SLX4: variants seen among roughly 807,000 people sequenced by gnomAD.
SLX4 encodes the protein structure-specific endonuclease subunit SLX4.
A neutral mutation model predicts 146.2 loss-of-function variants in SLX4; 112 were observed. That is an observed-to-expected ratio of 0.77 (90% CI 0.66 to 0.90). The LOEUF (loss-of-function observed/expected upper bound fraction) is 0.90. Among genes scored for constraint, SLX4 ranks in the 40% least tolerant of loss-of-function variants. The pLI is 0.00. For missense variants in SLX4, 2,563 were observed against 2,392.7 expected (o/e 1.07, Z -1.49); for synonymous variants, 1,061 against 997.7 (o/e 1.06, Z -1.20).
Position 3,589,424 on chromosome 16 carries a change from GCCACCT to G in SLX4, c.4208_4213del (p.Glu1403_Val1404del). On this transcript the variant is annotated inframe_deletion, in exon 12 of 15. Coordinates refer to ENST00000294008, the MANE Select transcript of SLX4 (RefSeq NM_032444.4). The surrounding 1 kb of genome is among the most constrained non-coding windows in gnomAD (Gnocchi z 6.2). Reference sequence around the variant, plus strand: ...GGGGCTTCTGTTGGCCTGATGGGAGGCCACCTCCTGCTCATCGTCACTGTCTCCGAC... The same window carrying G: ...GGGGCTTCTGTTGGCCTGATGGGAGGCCTGCTCATCGTCACTGTCTCCGAC... The G allele has an allele frequency of 6.2e-7, 1 of 1,602,636 alleles. No homozygotes were observed. Among genetic ancestry groups the G allele is most frequent in the Non-Finnish European group, 8.5e-7 (1 of 1,171,468 alleles).
Position 3,602,324 on chromosome 16 carries a change from A to G in SLX4, c.761-17T>C. ...GCCCATACACTGTGGAGAAGCACCA[A>G]AGATCCGTGAGAATAAACTCCAAAG... On this transcript the variant is annotated splice_polypyrimidine_tract_variant and intron_variant, in intron 3 of 14. Transcript: ENST00000294008. The G allele has an allele frequency of 6.2e-7, 1 of 1,613,032 alleles. No individual in the cohort carries two copies.
chr16:3,592,739 G>A lies in SLX4; in HGVS notation c.2287C>T (p.Pro763Ser), dbSNP rs868167272. The A allele has an allele frequency of 1.2e-6, 2 of 1,613,464 alleles. No homozygotes were observed. The highest frequency in any genetic ancestry group is 1.7e-6 in the Non-Finnish European group (2 of 1,180,024). ...HYLYTADTGL[P>S]PGLSSELSSL... ...CTCAGCTCAGAGCTAAGGCCAGGAG[G>A]AAGGCCAGTGTCCGCAGTGTAGAGA... The change falls in exon 11 of 15, where the codon CCT becomes TCT. Residue 763 changes from proline (P) to serine (S), a missense_variant. Physicochemically the swap from Pro to Ser is moderately conservative, Grantham distance 74. Coordinates refer to ENST00000294008, the MANE Select transcript of SLX4 (RefSeq NM_032444.4).
chr16:3,598,385 C>G (rs568205788), intron 5 of SLX4, among the ~76,000 whole-genome samples: 1 of 152,194 alleles, frequency 6.6e-6, no homozygotes, highest in Non-Finnish European at 1.5e-5. Context: ...GCTCCTTACA[C>G]GGTCCTGGCC....
In SLX4 at chr16:3,592,702, T is replaced by G; in HGVS notation, c.2324A>C (p.His775Pro). The change falls in exon 11 of 15, where the codon CAC becomes CCC. Residue 775 changes from histidine (H) to proline (P), a missense_variant. Coordinates refer to ENST00000294008, the MANE Select transcript of SLX4 (RefSeq NM_032444.4). Reference protein sequence around the residue: ...GLSSELSSLAHRFGVSELVHL... With the variant: ...GLSSELSSLAPRFGVSELVHL... The stretch of plus-strand genomic sequence containing the variant: ...AAAGCTGGGGAGCAATCCAGACCTG[T>G]GGGCCAGGGAGCTCAGCTCAGAGCT... 6.2e-7 allele frequency: 1 copy of G among 1,612,978 alleles called. No homozygotes were observed. The highest frequency in any genetic ancestry group is 1.1e-5 in the South Asian group (1 of 90,906).
intron 8 of SLX4, among the ~76,000 whole-genome samples, 157 bp downstream of exon 8, chr16:3,595,996 T>C (rs1047896465): frequency 2.0e-5 from 3 of 152,134 alleles, no homozygotes; most frequent in Non-Finnish European, 4.4e-5. Flanking sequence ...ACATTGACCT[T>C]TGAGAAAAAA....
Position 3,597,984 on chromosome 16 carries a change from A to G in SLX4, c.1179T>C (p.Ser393=), listed in dbSNP as rs772030041. 15 of 1,613,918 alleles carry G rather than the reference A, an allele frequency of 9.3e-6. No homozygotes were observed. The highest frequency in any genetic ancestry group is 1.3e-5 in the Non-Finnish European group (15 of 1,180,010). The change falls in exon 6 of 15, where the codon AGT becomes AGC. Residue 393 remains serine, a synonymous_variant. Coordinates refer to ENST00000294008, the MANE Select transcript of SLX4 (RefSeq NM_032444.4). This position sits in a 1 kb window ranked among gnomAD's most constrained non-coding sequence, Gnocchi z 4.4. ...SPPMFSFSDH[S]RGLKRRGPTS... ...TGGGTCCTCTCCGTTTCAGACCTCT[A>G]CTGTGATCACTGAAGCTAGAAAACA...
At chr16:3,598,219 C>T (rs932851337) in intron 5 of SLX4, among the ~76,000 whole-genome samples, 16 of 152,216 alleles carry the variant, frequency 1.1e-4, no homozygotes, top group Non-Finnish European at 1.8e-4. Context: ...GGTTCCTTCA[C>T]GTGCTGCTGT....
intron 10 of SLX4, 140 bp downstream of exon 10, chr16:3,594,313 G>A (rs563902212): frequency 8.2e-7 from 1 of 1,219,608 alleles, no homozygotes; most frequent in Non-Finnish European, 1.2e-6. Flanking sequence ...GGGAGAAGGT[G>A]AGAACATGGT....
In SLX4 at chr16:3,608,512, A is replaced by G; in HGVS notation, c.453T>C (p.Pro151=). Residue 151 remains proline (P), a synonymous_variant, in exon 2 of 15, where the codon CCT becomes CCC. Coordinates refer to ENST00000294008, the MANE Select transcript of SLX4 (RefSeq NM_032444.4). ...TGTTTTGTGCTGTTTCCCGGAGCAC[A>G]GGTGGATCTGGAGCAGAGGCAAGCA... is the stretch of plus-strand genomic sequence containing the variant. ...GGVLASAPDP[P]VLRETAQNTQ... is the part of the protein sequence containing the mutation. 2 of 1,614,206 alleles carry G rather than the reference A, an allele frequency of 1.2e-6. No individual in the cohort carries two copies. The highest frequency in any genetic ancestry group is 1.7e-6 in the Non-Finnish European group (2 of 1,180,040).
chr16:3,589,894 G>T lies in SLX4; in HGVS notation c.3744C>A (p.Ala1248=). The T allele has an allele frequency of 1.2e-6, 2 of 1,613,792 alleles. No individual in the cohort carries two copies. Among genetic ancestry groups the T allele is most frequent in the Non-Finnish European group, 1.7e-6 (2 of 1,179,998 alleles). Residue 1248 remains alanine (A), a synonymous_variant, in exon 12 of 15, where the codon GCC becomes GCA. Coordinates refer to ENST00000294008, the MANE Select transcript of SLX4 (RefSeq NM_032444.4). This position sits in a 1 kb window ranked among gnomAD's most constrained non-coding sequence, Gnocchi z 6.2. The stretch of plus-strand genomic sequence containing the variant: ...CCAGCCACGAGGTGTCTGTGGTGCT[G>T]GCCTCGCTGGGGCTGCTCTCACGGT... ...FCDRESSPSE[A]STTDTSWLVP... is the part of the protein sequence containing the mutation.
rs958404823 is a variant in SLX4, at chr16:3,597,412, C to A, written c.1650G>T (p.Leu550=). ...WAMEDFYTAR[L]VPPLVPQRPA... is the part of the protein sequence containing the mutation. ...GCCGCTGGGGCACGAGAGGAGGGAC[C>A]AGCCTGGCCGTGTAGAAGTCCTCCA... The change falls in exon 7 of 15, where the codon CTG becomes CTT. Residue 550 remains leucine, a synonymous_variant. Transcript: ENST00000294008. This position sits in a 1 kb window ranked among gnomAD's most constrained non-coding sequence, Gnocchi z 4.4. The A allele has an allele frequency of 6.3e-7, 1 of 1,599,044 alleles. No homozygotes were observed. The highest frequency in any genetic ancestry group is 1.7e-5 in the Admixed American group (1 of 57,690).
At chr16:3,608,405 C>T (rs756714533) in intron 2 of SLX4, 25 bp downstream of exon 2, 11 of 1,613,992 alleles carry the variant, frequency 6.8e-6, no homozygotes, top group African/African-American at 1.3e-5. Flanking sequence ...TTTTCCAGCC[C>T]CTGGTTTAAA....
chr16:3,598,127 C>A, intron 5 of SLX4, 128 bp from the exon 6 acceptor site: 1 of 1,027,244 alleles, frequency 9.7e-7, no homozygotes, highest in Non-Finnish European at 1.5e-6. Context: ...CAGGCAGATG[C>A]GTCCCCCACT....
rs200842643 is a variant in SLX4 at position 3,590,576 on chromosome 16, C to A, written c.3062G>T (p.Arg1021Leu). 1.2e-6 allele frequency: 2 copies of A among 1,612,858 alleles called. No homozygotes were observed. Among genetic ancestry groups the A allele is most frequent in the Non-Finnish European group, 1.7e-6 (2 of 1,178,908 alleles). The change falls in exon 12 of 15, where the codon CGC becomes CTC. Residue 1021 changes from arginine to leucine, a missense_variant. Arg to Leu is a moderately radical substitution (Grantham distance 102). Transcript: ENST00000294008. The surrounding 1 kb of genome is among the most constrained non-coding windows in gnomAD (Gnocchi z 4.8). ...TGGAGATGCCTGCCAGGGAGCCAGG[C>A]GATGAGAAACCTCCAGCCCCCTTTC... ...VRERGLEVSH[R>L]LAPWQASPPH...
chr16:3,584,313 C>T (rs138422323), intron 13 of SLX4, among the ~76,000 whole-genome samples: 1 of 151,542 alleles, frequency 6.6e-6, no homozygotes, highest in Non-Finnish European at 1.5e-5. Context: ...CCCAGCTACT[C>T]GGGAGGCTGA....
chr16:3,599,119 A>G (rs1237297993), intron 5 of SLX4, among the ~76,000 whole-genome samples: 3 of 152,112 alleles, frequency 2.0e-5, no homozygotes, highest in Non-Finnish European at 4.4e-5. Context: ...GGTCCTGCCA[A>G]GAAAGAAACA....
At chr16:3,606,204 T>A (rs2040780688) in intron 3 of SLX4, among the ~76,000 whole-genome samples, 1 of 151,732 alleles carries the variant, frequency 6.6e-6, no homozygotes, top group African/African-American at 2.4e-5. Context: ...TGAGCTGAGA[T>A]CATGTCACTG....
Position 3,596,376 on chromosome 16 carries a change from G to A in SLX4, c.1701C>T (p.Pro567=), listed in dbSNP as rs776750571. Residue 567 remains proline, a synonymous_variant, in exon 8 of 15, where the codon CCC becomes CCT. Coordinates refer to ENST00000294008, the MANE Select transcript of SLX4 (RefSeq NM_032444.4). Reference sequence around the variant, plus strand: ...GCTCAGGTGGCACCAGAGGCGGCACGGGCTCCTGCATAAGGCCCTGAAAGA... The same window carrying A: ...GCTCAGGTGGCACCAGAGGCGGCACAGGCTCCTGCATAAGGCCCTGAAAGA... ...QRPAQGLMQE[P]VPPLVPPEHS... 2.4e-5 allele frequency: 38 copies of A among 1,596,594 alleles called. No homozygotes were observed. The highest frequency in any genetic ancestry group is 1.7e-4 in the Middle Eastern group (1 of 6,008).
chr16:3,590,831 G>C lies in SLX4; in HGVS notation c.2807C>G (p.Ser936Ter), dbSNP rs2151125061. The change falls in exon 12 of 15, where the codon TCA becomes TGA. Residue 936 changes from serine (S) to a stop codon, truncating the protein, a stop_gained. Coordinates refer to ENST00000294008, the MANE Select transcript of SLX4 (RefSeq NM_032444.4). LOFTEE classifies it high-confidence loss of function. This position sits in a 1 kb window ranked among gnomAD's most constrained non-coding sequence, Gnocchi z 4.8. ...AGGGGCCTCTGCTCCCCGTGCCCCTGAGTGCTGGCCCTGGGGTGGCGGGAG... is the reference window on the plus strand; with the variant it reads ...AGGGGCCTCTGCTCCCCGTGCCCCTCAGTGCTGGCCCTGGGGTGGCGGGAG... Reference protein sequence around the residue: ...CALPPPQGQHSGARGAEAPEQ... With the variant: ...CALPPPQGQH 1 of 1,614,134 alleles carries C rather than the reference G, an allele frequency of 6.2e-7. No individual in the cohort carries two copies. The highest frequency in any genetic ancestry group is 1.1e-5 in the South Asian group (1 of 91,084).
Sources: allele counts gnomAD v4.1 joint callset (sites outside exome capture counted in the v4.1 genomes callset), GRCh38; gene constraint gnomAD v4.1.1; non-coding constraint Gnocchi (gnomAD v3.1); transcripts MANE v1.5; gene names NCBI Gene and HGNC (gene_info 2026-07-23, HGNC 2026-07-21).